BPTF: variants seen among roughly 807,000 people sequenced by gnomAD.
The protein encoded by BPTF is nucleosome-remodeling factor subunit BPTF.
BPTF carries 18 observed loss-of-function variants against 292.5 expected under a neutral mutation model. That is an observed-to-expected ratio of 0.06 (90% CI 0.04 to 0.09). BPTF has a LOEUF of 0.09. Ranked by LOEUF, BPTF falls within the 10% of genes least tolerant of loss-of-function variation. The pLI, the probability that BPTF is intolerant of heterozygous loss-of-function variation, is 1.00. For synonymous variants in BPTF, 1,225 were observed against 1,251.9 expected, an observed-to-expected ratio of 0.98 and a Z score of 0.45; for missense variants, 2,726 against 3,498.7, an observed-to-expected ratio of 0.78 and a Z score of 5.57.
intron 8 of BPTF, 135 bp from the exon 9 acceptor site, chr17:67,904,567 G>GA: frequency 1.6e-6 from 1 of 627,468 alleles, no homozygotes. Flanking sequence ...TCCCCACTTG[G>GA]AAAAACCTGG....
chr17:67,921,299 C>T (rs565245621), intron 13 of BPTF, among the ~76,000 whole-genome samples: 55 of 149,746 alleles, frequency 3.7e-4, no homozygotes, highest in African/African-American at 1.3e-3. Flanking sequence ...CCGAGGCGGG[C>T]AGATCACTTG....
At position 67,854,962 on chromosome 17, in the gene BPTF, A is replaced by G. The variant is rs2058605172; in HGVS notation, c.1436+200A>G. On this transcript the variant is annotated intron_variant, in intron 2 of 27. Transcript: ENST00000306378. The surrounding 1 kb of genome is among the most constrained non-coding windows in gnomAD (Gnocchi z 5.6). Reference sequence around the variant, plus strand: ...AGGTAAAGGAAACATATATGAAAGAAGCAAAATTCCATTGTTTTTTGATGC... The same window carrying G: ...AGGTAAAGGAAACATATATGAAAGAGGCAAAATTCCATTGTTTTTTGATGC... Among the ~76,000 whole-genome samples, 1 of 152,262 alleles carries G rather than the reference A, an allele frequency of 6.6e-6. No individual in the cohort carries two copies. Among genetic ancestry groups the G allele is most frequent in the Admixed American group, 6.5e-5 (1 of 15,288 alleles).
intron 4 of BPTF, among the ~76,000 whole-genome samples, chr17:67,883,013 A>G (rs546767801): frequency 9.1e-4 from 137 of 149,944 alleles, no homozygotes; most frequent in Non-Finnish European, 1.6e-3. Context: ...AAAAAAAAAA[A>G]AAAAAAAGAA....
At chr17:67,893,225 G>A (rs2146302239) in intron 5 of BPTF, 145 bp from the exon 6 acceptor site, 3 of 633,610 alleles carry the variant, frequency 4.7e-6, no homozygotes, top group Non-Finnish European at 8.5e-6. Context: ...TTTTAACTTA[G>A]CTTTTAGACT....
chr17:67,903,275 C>T (rs1264252080), intron 7 of BPTF, among the ~76,000 whole-genome samples: 2 of 152,098 alleles, frequency 1.3e-5, no homozygotes, highest in Admixed American at 6.5e-5. Context: ...CTTTGGTCTT[C>T]GTTTTTTGGA....
At chr17:67,864,469 A>G (rs1406791749) in intron 2 of BPTF, among the ~76,000 whole-genome samples, 1 of 148,982 alleles carries the variant, frequency 6.7e-6, no homozygotes, top group Non-Finnish European at 1.5e-5. Context: ...CAGAGGTTGC[A>G]GTGAGCCAAG....
chr17:67,977,865 T>C (rs2069724288), intron 27 of BPTF: 1 of 150,994 alleles, frequency 6.6e-6, no homozygotes, highest in African/African-American at 2.4e-5. Context: ...GTATCTTTTT[T>C]TTTTTTGAGA....
intron 1 of BPTF, among the ~76,000 whole-genome samples, chr17:67,842,274 A>G (rs1364876536): frequency 1.3e-5 from 2 of 152,196 alleles, no homozygotes; most frequent in Non-Finnish European, 2.9e-5. Context: ...TATACAATGC[A>G]TGCATGATAC....
Position 67,853,896 on chromosome 17 carries a change from A to G in BPTF, c.614-44A>G, listed in dbSNP as rs371591228. 5 of 1,449,578 alleles carry G rather than the reference A, an allele frequency of 3.4e-6. No homozygotes were observed. In the African/African-American group the frequency reaches 7.1e-5, roughly 21 times the overall value. The allele number at this position is 1,449,578 out of a possible 1,614,324, so 89.8% of individuals were successfully genotyped here. ...TTCAAATAGGAAATTTGTAGAAATG[A>G]TGTAATGTATTGATTTGTAATGATG... On this transcript the variant is annotated intron_variant, in intron 1 of 27. Coordinates refer to ENST00000306378, the MANE Select transcript of BPTF (RefSeq NM_182641.4).
intron 17 of BPTF, 65 bp from the exon 18 acceptor site, chr17:67,931,846 C>A: frequency 8.3e-7 from 1 of 1,206,786 alleles, no homozygotes; most frequent in Non-Finnish European, 1.2e-6. Flanking sequence ...ATCTTGTGTT[C>A]TAAGTCCATT....
intron 23 of BPTF, among the ~76,000 whole-genome samples, chr17:67,949,022 T>A (rs1345379372): frequency 2.0e-5 from 3 of 152,142 alleles, no homozygotes; most frequent in African/African-American, 7.2e-5. Flanking sequence ...CCTTGACTTG[T>A]AAACGATTCT....
At chr17:67,959,356 G>A (rs1034566052) in intron 23 of BPTF, among the ~76,000 whole-genome samples, 185 bp from the exon 24 acceptor site, 9 of 152,174 alleles carry the variant, frequency 5.9e-5, no homozygotes, top group Non-Finnish European at 1.3e-4. Context: ...TCTTCATTTT[G>A]TTTCTAGTTG....
chr17:67,915,352 T>G (rs2062913883), intron 11 of BPTF, among the ~76,000 whole-genome samples: 1 of 152,172 alleles, frequency 6.6e-6, no homozygotes, highest in South Asian at 2.1e-4. Context: ...GCTAAGGGAC[T>G]TGGTAACTAC....
Position 67,909,743 on chromosome 17 carries a change from A to C in BPTF, c.2974A>C (p.Thr992Pro). ...AAATGAAATGGATATCTCAAAGATT[A>C]CTGAGAAGAAGGACCAAGGTAAGGA... ...DQNEMDISKITEKKDQDVKEL... is the reference protein window; with the variant it reads ...DQNEMDISKIPEKKDQDVKEL... Residue 992 changes from threonine to proline, a missense_variant, in exon 10 of 28, where the codon ACT becomes CCT. Thr to Pro is a conservative substitution (Grantham distance 38). Transcript: ENST00000306378. 1 of 1,573,650 alleles carries C rather than the reference A, an allele frequency of 6.4e-7. No homozygotes were observed. The highest frequency in any genetic ancestry group is 8.6e-7 in the Non-Finnish European group (1 of 1,165,176).
At chr17:67,831,750 C>T (rs2056701332) in intron 1 of BPTF, among the ~76,000 whole-genome samples, 1 of 152,148 alleles carries the variant, frequency 6.6e-6, no homozygotes, top group Admixed American at 6.5e-5. Context: ...TCCCTTCCTG[C>T]TCCTTAGCCA....
At chr17:67,850,500 C>T (rs1172610018) in intron 1 of BPTF, among the ~76,000 whole-genome samples, 1 of 152,162 alleles carries the variant, frequency 6.6e-6, no homozygotes, top group Non-Finnish European at 1.5e-5. Context: ...TCCCAAGTAG[C>T]TGGGAGTACA....
intron 18 of BPTF, among the ~76,000 whole-genome samples, chr17:67,938,934 T>C (rs2065143861): frequency 1.3e-5 from 2 of 152,154 alleles, no homozygotes; most frequent in African/African-American, 2.4e-5. Context: ...CCTGTGGTAA[T>C]TGAGGAAATT....
intron 3 of BPTF, among the ~76,000 whole-genome samples, chr17:67,873,076 G>A (rs1443264325): frequency 6.6e-6 from 1 of 152,168 alleles, no homozygotes; most frequent in South Asian, 2.1e-4. Context: ...GTGAGACTCT[G>A]TCTCTAAAAA....
intron 1 of BPTF, among the ~76,000 whole-genome samples, chr17:67,846,008 G>A (rs529398394): frequency 1.3e-5 from 2 of 151,904 alleles, no homozygotes; most frequent in South Asian, 2.1e-4. Flanking sequence ...AAACTTTTTC[G>A]AAGCCAAAAT....
Sources: allele counts gnomAD v4.1 joint callset (sites outside exome capture counted in the v4.1 genomes callset), GRCh38; gene constraint gnomAD v4.1.1; non-coding constraint Gnocchi (gnomAD v3.1); transcripts MANE v1.5; gene names NCBI Gene and HGNC (gene_info 2026-07-23, HGNC 2026-07-21).